Variants in SLC30A5 observed in about 807,000 individuals in gnomAD.
SLC30A5 encodes solute carrier family 30 member 5.
A neutral mutation model predicts 79.6 loss-of-function variants in SLC30A5; 33 were observed. That is an observed-to-expected ratio of 0.41 (90% CI 0.31 to 0.55). SLC30A5 has a LOEUF of 0.55. SLC30A5 is among the 20% of genes least tolerant of loss of function. The pLI is 0.20. For missense variants in SLC30A5, 788 were observed against 928.1 expected (o/e 0.85, Z 1.96); for synonymous variants, 299 against 319.7 (o/e 0.94, Z 0.69).
chr5:69,127,628 C>G (rs1746738169), intron 14 of SLC30A5, among the ~76,000 whole-genome samples: 1 of 152,004 alleles, frequency 6.6e-6, no homozygotes, highest in Admixed American at 6.6e-5. Flanking sequence ...TGCGACAGAG[C>G]AAGACTGTCT....
chr5:69,123,581 CAAG>C, intron 14 of SLC30A5, 156 bp downstream of exon 14: 1 of 608,038 alleles, frequency 1.6e-6, no homozygotes, highest in Non-Finnish European at 2.9e-6. Context: ...GTTGACCTAA[CAAG>C]AAATATGCAA....
At position 69,128,061 on chromosome 5, in the gene SLC30A5, G is replaced by C. The variant is rs779736741; in HGVS notation, c.2056G>C (p.Ala686Pro). 3.7e-6 allele frequency: 6 copies of C among 1,612,160 alleles called. 1 individual carries two copies. The South Asian group carries it at 6.6e-5, about 18-fold the overall frequency. Reference protein sequence around the residue: ...YRDPHFWRHSASIVAGTIHIQ... With the variant: ...YRDPHFWRHSPSIVAGTIHIQ... Reference sequence around the variant, plus strand: ...AGACCCTCATTTTTGGCGTCATTCTGCTAGTATTGTGGCAGGAACAATTCA... The same window carrying C: ...AGACCCTCATTTTTGGCGTCATTCTCCTAGTATTGTGGCAGGAACAATTCA... Residue 686 changes from alanine (A) to proline (P), a missense_variant, in exon 15 of 16, where the codon GCT (alanine) becomes CCT (proline). By Grantham distance (27) the Ala-to-Pro change is conservative. Coordinates refer to ENST00000396591, the MANE Select transcript of SLC30A5 (RefSeq NM_022902.5).
At chr5:69,095,858 G>A (rs1205588238) in intron 1 of SLC30A5, among the ~76,000 whole-genome samples, 3 of 151,176 alleles carry the variant, frequency 2.0e-5, no homozygotes, top group East Asian at 1.9e-4. Flanking sequence ...TCAGGGGTTC[G>A]AGACCAGCCT....
chr5:69,129,219 T>C (rs1746784129), intron 15 of SLC30A5, among the ~76,000 whole-genome samples: 1 of 152,226 alleles, frequency 6.6e-6, no homozygotes, highest in Non-Finnish European at 1.5e-5. Context: ...GCATTACGCT[T>C]ACCAGTTGAG....
intron 1 of SLC30A5, among the ~76,000 whole-genome samples, chr5:69,099,106 A>C (rs552959075): frequency 4.6e-5 from 7 of 152,366 alleles, no homozygotes; most frequent in African/African-American, 1.7e-4. Context: ...TAACTCTGCT[A>C]AGTAAATAGT....
At chr5:69,126,122 A>G (rs1294543494) in intron 14 of SLC30A5, among the ~76,000 whole-genome samples, 1 of 152,120 alleles carries the variant, frequency 6.6e-6, no homozygotes, top group Non-Finnish European at 1.5e-5. Flanking sequence ...CAAATATAAA[A>G]TAGACTCTCT....
intron 7 of SLC30A5, among the ~76,000 whole-genome samples, chr5:69,114,941 A>G (rs1480762055): frequency 1.3e-5 from 2 of 152,150 alleles, no homozygotes; most frequent in African/African-American, 4.8e-5. Flanking sequence ...AATTGAGTAT[A>G]TGGGAAAAAT....
At chr5:69,097,215 G>A (rs1253195065) in intron 1 of SLC30A5, among the ~76,000 whole-genome samples, 3 of 141,046 alleles carry the variant, frequency 2.1e-5, no homozygotes, top group African/African-American at 5.4e-5. Flanking sequence ...TCCCGGATTC[G>A]CACCATTCTC....
At chr5:69,128,832 T>G (rs192305762) in intron 15 of SLC30A5, among the ~76,000 whole-genome samples, 1 of 152,218 alleles carries the variant, frequency 6.6e-6, no homozygotes. Context: ...ACTAAAGCCC[T>G]GTTCTAGATG....
At chr5:69,121,427 C>G (rs1290403485) in intron 12 of SLC30A5, among the ~76,000 whole-genome samples, 1 of 152,050 alleles carries the variant, frequency 6.6e-6, no homozygotes, top group African/African-American at 2.4e-5. Flanking sequence ...AAACCATAAA[C>G]CAAGTACATA....
At chr5:69,127,940 C>T in intron 14 of SLC30A5, 64 bp from the exon 15 acceptor site, 2 of 1,342,928 alleles carry the variant, frequency 1.5e-6, no homozygotes, top group African/African-American at 1.5e-5. Context: ...TGTCAGAAAG[C>T]ATCTCCATTG....
At chr5:69,129,418 G>A (rs776679385) in intron 15 of SLC30A5, 29 bp from the exon 16 acceptor site, 5 of 1,568,928 alleles carry the variant, frequency 3.2e-6, no homozygotes, top group South Asian at 1.1e-5. Context: ...TACTCTAAAT[G>A]CTTCAAAATA....
intron 4 of SLC30A5, among the ~76,000 whole-genome samples, chr5:69,107,599 C>T (rs992811955): frequency 1.2e-4 from 18 of 152,150 alleles, no homozygotes; most frequent in African/African-American, 4.3e-4. Context: ...ACCAGAAACA[C>T]ATGAGTAATG....
chr5:69,107,047 T>G (rs960206184), intron 4 of SLC30A5, among the ~76,000 whole-genome samples: 1 of 152,058 alleles, frequency 6.6e-6, no homozygotes, highest in African/African-American at 2.4e-5. Context: ...GTATCTTTTT[T>G]GATAGCAGGT....
In SLC30A5 at chr5:69,118,541, T is replaced by C. The variant is rs780603640; in HGVS notation, c.1482T>C (p.Leu494=). ...TTCTGTCTGGATTTATTAATGGACT[T>C]TTTCTAATAGTAATAGCGTTTTTTG... ...IEILSGFING[L]FLIVIAFFVF... The change falls in exon 12 of 16, where the codon CTT becomes CTC. Residue 494 remains leucine (L), a synonymous_variant. Coordinates refer to ENST00000396591, the MANE Select transcript of SLC30A5 (RefSeq NM_022902.5). The C allele has an allele frequency of 6.2e-7, 1 of 1,603,170 alleles. No homozygotes were observed. The highest frequency in any genetic ancestry group is 8.5e-7 in the Non-Finnish European group (1 of 1,175,534).
At chr5:69,104,489 T>G in intron 3 of SLC30A5, 142 bp from the exon 4 acceptor site, 1 of 1,392,876 alleles carries the variant, frequency 7.2e-7, no homozygotes, top group East Asian at 2.9e-5. Flanking sequence ...CAAGGGATCT[T>G]ATGTTTTCTA....
intron 13 of SLC30A5, 68 bp downstream of exon 13, chr5:69,121,963 T>G: frequency 7.5e-7 from 1 of 1,331,654 alleles, no homozygotes; most frequent in Non-Finnish European, 1.0e-6. Context: ...TGTTTATTTG[T>G]ATTAAGTTTT....
At chr5:69,129,092 G>T (rs1746780660) in intron 15 of SLC30A5, among the ~76,000 whole-genome samples, 1 of 152,140 alleles carries the variant, frequency 6.6e-6, no homozygotes, top group Non-Finnish European at 1.5e-5. Context: ...GCCTCCCTGG[G>T]CCACTGTGCC....
chr5:69,109,388 A>G (rs1746170179), intron 5 of SLC30A5, among the ~76,000 whole-genome samples: 1 of 152,076 alleles, frequency 6.6e-6, no homozygotes, highest in Admixed American at 6.6e-5. Flanking sequence ...CATTGGTGCA[A>G]TCCATAGACC....
Sources: gnomAD v4.1 joint callset for allele counts (sites outside exome capture counted in the v4.1 genomes callset) on GRCh38, gnomAD v4.1.1 for gene constraint, MANE v1.5 for transcripts, NCBI Gene and HGNC (gene_info 2026-07-23, HGNC 2026-07-21) for gene names.